The following SUN2 variants were observed in gnomAD, a reference collection of about 807,000 sequenced individuals.
SUN2 encodes the protein SUN domain-containing protein 2.
In SUN2, 60 loss-of-function variants were observed where a neutral mutation model predicts 100.0. The ratio of observed to expected loss-of-function variants is 0.60; its 90% CI spans 0.49 to 0.74. The LOEUF (loss-of-function observed/expected upper bound fraction) is 0.74. Among genes scored for constraint, SUN2 ranks in the 30% least tolerant of loss-of-function variants. The probability of loss-of-function intolerance (pLI) is 0.00; values close to 1 mark genes in which losing one functional copy is unlikely to be tolerated. For missense variants in SUN2, 834 were observed against 954.6 expected (o/e 0.87, Z 1.66); for synonymous variants, 367 against 403.3 (o/e 0.91, Z 1.08).
rs940743235 is a variant in SUN2 at position 38,740,143 on chromosome 22, C to T, written c.1356+124G>A. ...GAGAGCCCACATGTGTCAAGGCCAA[C>T]GCCACAGTCTCTTGGGCATAACAGA... On this transcript the variant is annotated intron_variant, in intron 12 of 17. Transcript: ENST00000689035. This position sits in a 1 kb window ranked among gnomAD's most constrained non-coding sequence, Gnocchi z 4.8. The T allele has an allele frequency of 6.0e-6, 8 of 1,340,868 alleles. No homozygotes were observed. The highest frequency in any genetic ancestry group is 4.4e-5 in the African/African-American group (3 of 67,862). 83.1% of individuals were successfully genotyped at this position (1,340,868 alleles called of 1,614,324 possible).
At chr22:38,746,609 G>A (rs1016264642) in intron 7 of SUN2, among the ~76,000 whole-genome samples, 9 of 152,178 alleles carry the variant, frequency 5.9e-5, no homozygotes, top group African/African-American at 9.7e-5. Context: ...CCCCCTCCAC[G>A]TGCATCTCCA....
rs1569293759 is a variant in SUN2, at chr22:38,737,768, AG to A, written c.2040+404del. 2.6e-6 allele frequency: 1 copy of A among 390,272 alleles called. No individual in the cohort carries two copies. The highest frequency in any genetic ancestry group is 5.1e-6 in the Non-Finnish European group (1 of 196,508). The allele number at this position is 390,272 out of a possible 1,614,324, so 24.2% of individuals were successfully genotyped here. On this transcript the variant is annotated intron_variant, in intron 17 of 17. Coordinates refer to ENST00000689035, the MANE Select transcript of SUN2 (RefSeq NM_015374.3). The surrounding 1 kb of genome is among the most constrained non-coding windows in gnomAD (Gnocchi z 4.1). ...GGGAATCTGCATTTCTAACTGACTT[AG>A]GAGATCGGATGCCCACTGAAGTTTA... is the stretch of plus-strand genomic sequence containing the variant.
rs1051105778 is a variant in SUN2 at position 38,740,205 on chromosome 22, A to G, written c.1356+62T>C. The G allele has an allele frequency of 4.8e-6, 7 of 1,470,954 alleles. 1 individual carries two copies. In the South Asian group the frequency reaches 8.3e-5, roughly 18 times the overall value. The allele number at this position is 1,470,954 out of a possible 1,614,324, so 91.1% of individuals were successfully genotyped here. A position where few individuals can be genotyped will look rare whatever the true frequency, so the allele number is the denominator to read the frequency against. ...CAAGGGGTGCTGCTTTGCAGGCCCC[A>G]GGACACGTCGTCTCAAAGGAGGAGG... On this transcript the variant is annotated intron_variant, in intron 12 of 17. Coordinates refer to ENST00000689035, the MANE Select transcript of SUN2 (RefSeq NM_015374.3). This position sits in a 1 kb window ranked among gnomAD's most constrained non-coding sequence, Gnocchi z 4.8.
rs376843353 is a variant in SUN2 at position 38,739,321 on chromosome 22, C to T, written c.1663+21G>A. 10 of 1,611,906 alleles carry T rather than the reference C, an allele frequency of 6.2e-6. No homozygotes were observed. The highest frequency in any genetic ancestry group is 1.3e-5 in the African/African-American group (1 of 75,012). On this transcript the variant is annotated intron_variant, in intron 14 of 17. Transcript: ENST00000689035. The surrounding 1 kb of genome is among the most constrained non-coding windows in gnomAD (Gnocchi z 6.7). ...TTGCGGGGTCCAGGACAAGGCAGAG[C>T]GAGGAAAGCAGAGCACGTACCTCCT...
chr22:38,740,438 C>T lies in SUN2; in HGVS notation c.1191-6G>A, dbSNP rs1361520719. On this transcript the variant is annotated splice_region_variant and splice_polypyrimidine_tract_variant and intron_variant, in intron 11 of 17. Coordinates refer to ENST00000689035, the MANE Select transcript of SUN2 (RefSeq NM_015374.3). This position sits in a 1 kb window ranked among gnomAD's most constrained non-coding sequence, Gnocchi z 4.8. ...GGAAGGACTCCTGGGTCATGCTGGT[C>T]CCAGAGAGAGAAGAGTAAGCCTCGG... 3 of 1,486,194 alleles carry T rather than the reference C, an allele frequency of 2.0e-6. No individual in the cohort carries two copies. The highest frequency in any genetic ancestry group is 2.7e-6 in the Non-Finnish European group (3 of 1,110,490). 92.1% of individuals were successfully genotyped at this position (1,486,194 alleles called of 1,614,324 possible). A position where few individuals can be genotyped will look rare whatever the true frequency, so the allele number is the denominator to read the frequency against.
chr22:38,748,052 A>G (rs2092917653), intron 7 of SUN2, among the ~76,000 whole-genome samples: 2 of 152,076 alleles, frequency 1.3e-5, no homozygotes, highest in Non-Finnish European at 2.9e-5. Context: ...ACGGTGGCTC[A>G]TGCCTGTAAT....
rs1299624884 is a variant in SUN2 at position 38,742,382 on chromosome 22, C to T, written c.987G>A (p.Leu329=). The T allele has an allele frequency of 8.1e-6, 13 of 1,613,260 alleles. No homozygotes were observed. The highest frequency in any genetic ancestry group is 1.1e-5 in the Non-Finnish European group (13 of 1,179,976). ...GGGGLSHEDT[L]ALLEGLVSRR... is the part of the protein sequence containing the mutation. ...GGCTCACTAGCCCCTCCAGCAGCGC[C>T]AGGGTGTCCTCGTGGCTCAGGCCAC... The change falls in exon 9 of 18, where the codon CTG becomes CTA. Residue 329 remains leucine, a synonymous_variant. Transcript: ENST00000689035.
In SUN2 at chr22:38,754,722, A is replaced by G; in HGVS notation, c.-38+1041T>C. ...GAGGTGACACCTTTGCCCAGGGCAG[A>G]AACAAGGCAACATGTTTATACCATA... is the stretch of plus-strand genomic sequence containing the variant. On this transcript the variant is annotated intron_variant, in intron 1 of 17. Transcript: ENST00000689035. 3.9e-6 allele frequency: 5 copies of G among 1,288,966 alleles called. No individual in the cohort carries two copies. The South Asian group carries it at 6.2e-5, about 16-fold the overall frequency. 79.8% of individuals were successfully genotyped at this position (1,288,966 alleles called of 1,614,324 possible). A position where few individuals can be genotyped will look rare whatever the true frequency, so the allele number is the denominator to read the frequency against.
At position 38,737,877 on chromosome 22, in the gene SUN2, G is replaced by A. The variant is rs898913832; in HGVS notation, c.2040+296C>T. The A allele has an allele frequency of 2.6e-5, 16 of 606,598 alleles. No individual in the cohort carries two copies. The highest frequency in any genetic ancestry group is 4.1e-5 in the Non-Finnish European group (13 of 315,656). 37.6% of individuals were successfully genotyped at this position (606,598 alleles called of 1,614,324 possible). A position where few individuals can be genotyped will look rare whatever the true frequency, so the allele number is the denominator to read the frequency against. On this transcript the variant is annotated intron_variant, in intron 17 of 17. Transcript: ENST00000689035. This position sits in a 1 kb window ranked among gnomAD's most constrained non-coding sequence, Gnocchi z 4.1. ...ATGTGCTGGCGGCGGCTCCTCGAAC[G>A]CCTCTCCCGGCCTTCCTTTCCTGGC...
chr22:38,736,324 G>C lies in SUN2; in HGVS notation c.2097C>G (p.Gly699=), dbSNP rs1395225334. The part of the protein sequence containing the change: ...VVELRILTNW[G]HPEYTCIYRF... ...GGTAGATGCAGGTGTACTCGGGGTG[G>C]CCCCAGTTAGTCAGGATCCGCAGCT... Residue 699 remains glycine, a synonymous_variant, in exon 18 of 18, where the codon GGC becomes GGG. Transcript: ENST00000689035. 1 of 1,613,928 alleles carries C rather than the reference G, an allele frequency of 6.2e-7. No homozygotes were observed. The highest frequency in any genetic ancestry group is 1.7e-5 in the Admixed American group (1 of 59,992).
At position 38,738,333 on chromosome 22, in the gene SUN2, C is replaced by T. The variant is rs2092825187; in HGVS notation, c.1948-68G>A. On this transcript the variant is annotated intron_variant, in intron 16 of 17. Coordinates refer to ENST00000689035, the MANE Select transcript of SUN2 (RefSeq NM_015374.3). The surrounding 1 kb of genome is among the most constrained non-coding windows in gnomAD (Gnocchi z 6.6). ...GAGAACACCCCTCCCCACTCCAATC[C>T]CTGCTCCTCCCACCCAGCAGGTCAG... is the stretch of plus-strand genomic sequence containing the variant. 1 of 1,363,710 alleles carries T rather than the reference C, an allele frequency of 7.3e-7. No homozygotes were observed. Among genetic ancestry groups the T allele is most frequent in the South Asian group, 1.2e-5 (1 of 80,260 alleles). 84.5% of individuals were successfully genotyped at this position (1,363,710 alleles called of 1,614,324 possible).
intron 1 of SUN2, chr22:38,754,628 C>G (rs763717098): frequency 3.9e-6 from 5 of 1,270,184 alleles, no homozygotes; most frequent in African/African-American, 3.1e-5. Flanking sequence ...CTGCCCCGCC[C>G]GTACGGTCCC....
In SUN2 at chr22:38,742,458, C is replaced by T. The variant is rs372788944; in HGVS notation, c.911G>A (p.Arg304Gln). The T allele has an allele frequency of 2.5e-5, 41 of 1,613,548 alleles. No individual in the cohort carries two copies. The highest frequency in any genetic ancestry group is 6.7e-5 in the African/African-American group (5 of 74,936). ...TTGCCGCAGCTCCAGACGTTCCAGC[C>T]GCATGGCCTCCTTCTGCCAGTTGGA... Reference protein sequence around the residue: ...FSSNWQKEAMRLERLELRQGA... With the variant: ...FSSNWQKEAMQLERLELRQGA... Residue 304 changes from arginine to glutamine, a missense_variant, in exon 9 of 18, where the codon CGG (arginine) becomes CAG (glutamine). By Grantham distance (43) the Arg-to-Gln change is conservative (BLOSUM62 1). Transcript: ENST00000689035.
rs1049599036 is a variant in SUN2 at position 38,739,845 on chromosome 22, C to T, written c.1455G>A (p.Leu485=). 4 of 1,613,632 alleles carry T rather than the reference C, an allele frequency of 2.5e-6. No homozygotes were observed. The Middle Eastern group carries it at 4.9e-4, about 200-fold the overall frequency. The change falls in exon 13 of 18, where the codon CTG becomes CTA. Residue 485 remains leucine, a synonymous_variant. Transcript: ENST00000689035. This position sits in a 1 kb window ranked among gnomAD's most constrained non-coding sequence, Gnocchi z 6.7. The part of the protein sequence containing the change: ...LLQREEMQAQ[L]RELESKILTH... ...TGAGGATCTTGCTCTCCAGCTCTCGCAGCTGAGCTTGCATCTCCTCTCTCT... is the reference window on the plus strand; with the variant it reads ...TGAGGATCTTGCTCTCCAGCTCTCGTAGCTGAGCTTGCATCTCCTCTCTCT...
chr22:38,755,996 T>C lies in SUN2; in HGVS notation c.-271A>G, dbSNP rs2092982613. 1 of 984,310 alleles carries C rather than the reference T, an allele frequency of 1.0e-6. No homozygotes were observed. Among genetic ancestry groups the C allele is most frequent in the Non-Finnish European group, 1.2e-6 (1 of 829,588 alleles). The allele number at this position is 984,310 out of a possible 1,614,324, so 61.0% of individuals were successfully genotyped here. A position where few individuals can be genotyped will look rare whatever the true frequency, so the allele number is the denominator to read the frequency against. ...CGCGAGTGGGGCCGGGCGGCGCGCG[T>C]GTGGCCGACTCTGTATGTGTGCGCC... On this transcript the variant is annotated 5_prime_UTR_variant, in exon 1 of 18. Coordinates refer to ENST00000689035, the MANE Select transcript of SUN2 (RefSeq NM_015374.3). This position sits in a 1 kb window ranked among gnomAD's most constrained non-coding sequence, Gnocchi z 5.7.
At chr22:38,744,913 C>T (rs1179114175) in intron 8 of SUN2, among the ~76,000 whole-genome samples, 1 of 152,256 alleles carries the variant, frequency 6.6e-6, no homozygotes, top group South Asian at 2.1e-4. Flanking sequence ...TCTTTAGACT[C>T]TGGCAGATTA....
At position 38,752,590 on chromosome 22, in the gene SUN2, C is replaced by G; in HGVS notation, c.39G>C (p.Gln13His). Residue 13 changes from glutamine (Q) to histidine (H), a missense_variant, in exon 2 of 18, where the codon CAG becomes CAC. By Grantham distance (24) the Gln-to-His change is conservative (BLOSUM62 0). This residue lies in a region of SUN2 where 559 missense variants were observed against 597.7 expected (regional missense o/e 0.94). Coordinates refer to ENST00000689035, the MANE Select transcript of SUN2 (RefSeq NM_015374.3). ...RRSQRLTRYS[Q>H]GDDDGSSSSG... ...TGCTGCTGCTGCCGTCATCGTCACC[C>G]TGGGAGTAGCGCGTGAGGCGCTGGC... 1 of 1,613,980 alleles carries G rather than the reference C, an allele frequency of 6.2e-7. No individual in the cohort carries two copies. The highest frequency in any genetic ancestry group is 8.5e-7 in the Non-Finnish European group (1 of 1,179,970).
Position 38,740,543 on chromosome 22 carries a change from C to T in SUN2, c.1191-111G>A. 2.4e-6 allele frequency: 3 copies of T among 1,235,030 alleles called. No individual in the cohort carries two copies. Among genetic ancestry groups the T allele is most frequent in the East Asian group, 2.8e-5 (1 of 35,998 alleles). The allele number at this position is 1,235,030 out of a possible 1,614,324, so 76.5% of individuals were successfully genotyped here. On this transcript the variant is annotated intron_variant, in intron 11 of 17. Coordinates refer to ENST00000689035, the MANE Select transcript of SUN2 (RefSeq NM_015374.3). This position sits in a 1 kb window ranked among gnomAD's most constrained non-coding sequence, Gnocchi z 4.8. The stretch of plus-strand genomic sequence containing the variant: ...GGCTCCCGTCAGGAGAGCGGGTGCC[C>T]AGCACTCATTGTGAACCTGAGAAGG...
intron 8 of SUN2, among the ~76,000 whole-genome samples, chr22:38,744,143 G>A (rs2092883463): frequency 6.6e-6 from 1 of 151,794 alleles, no homozygotes; most frequent in Non-Finnish European, 1.5e-5. Flanking sequence ...GGGACGCTGA[G>A]GCGGGAGAAT....
Sources: allele counts gnomAD v4.1 joint callset (sites outside exome capture counted in the v4.1 genomes callset), GRCh38; gene constraint gnomAD v4.1.1; regional missense constraint gnomAD v4.1.1; non-coding constraint Gnocchi (gnomAD v3.1); transcripts MANE v1.5; gene names NCBI Gene and HGNC (gene_info 2026-07-23, HGNC 2026-07-21).